DLC1: variants seen among roughly 807,000 people sequenced by gnomAD.
DLC1 encodes the protein DLC1 Rho GTPase activating protein, also known as rho GTPase-activating protein 7.
DLC1 carries 54 observed loss-of-function variants against 140.3 expected under a neutral mutation model. The observed-to-expected ratio is 0.38, with a 90% CI of 0.31 to 0.48. The LOEUF (loss-of-function observed/expected upper bound fraction) is 0.48, where lower values mean the gene tolerates loss of function less well. Ranked by LOEUF, DLC1 falls within the 20% of genes least tolerant of loss-of-function variation. DLC1 has a pLI of 0.96. For missense variants in DLC1, 2,536 were observed against 1,907.0 expected, an observed-to-expected ratio of 1.33 and a Z score of -6.14; for synonymous variants, 986 against 728.1, an observed-to-expected ratio of 1.35 and a Z score of -5.70.
At position 13,110,285 on chromosome 8, in the gene DLC1, A is replaced by T. The variant is rs948225708; in HGVS notation, c.1502+457T>A. ...TATATGTTAAAGACCATGCTGAGTT[A>T]TTTTATAGCCTTATTTCGTCCTATC... On this transcript the variant is annotated intron_variant, in intron 7 of 17. Coordinates refer to ENST00000276297, the MANE Select transcript of DLC1 (RefSeq NM_182643.3). Among the ~76,000 whole-genome samples the T allele has an allele frequency of 1.1e-3, 172 of 152,158 alleles. 1 individual carries two copies. Among genetic ancestry groups the T allele is most frequent in the Non-Finnish European group, 2.2e-4 (15 of 68,036 alleles).
At chr8:13,191,594 C>A (rs914872324) in intron 5 of DLC1, among the ~76,000 whole-genome samples, 1 of 152,106 alleles carries the variant, frequency 6.6e-6, no homozygotes, top group African/African-American at 2.4e-5. Flanking sequence ...TAAGATGCCC[C>A]GAGAATTTGA....
At chr8:13,430,271 C>T (rs547548406) in intron 2 of DLC1, among the ~76,000 whole-genome samples, 1 of 152,274 alleles carries the variant, frequency 6.6e-6, no homozygotes, top group South Asian at 2.1e-4. Flanking sequence ...ATCTGAATTT[C>T]ACATGTGATT....
At chr8:13,337,346 A>G (rs1833849019) in intron 4 of DLC1, among the ~76,000 whole-genome samples, 1 of 152,214 alleles carries the variant, frequency 6.6e-6, no homozygotes, top group Non-Finnish European at 1.5e-5. Flanking sequence ...CCGATTTCAG[A>G]ATAATGGATT....
chr8:13,112,817 G>A (rs780333447), intron 6 of DLC1, among the ~76,000 whole-genome samples: 4 of 152,082 alleles, frequency 2.6e-5, no homozygotes, highest in South Asian at 4.1e-4. Flanking sequence ...AAAGTCCTGG[G>A]ATTACAGGCA....
At chr8:13,335,932 T>A in intron 4 of DLC1, among the ~76,000 whole-genome samples, 1 of 152,188 alleles carries the variant, frequency 6.6e-6, no homozygotes, top group East Asian at 1.9e-4. Flanking sequence ...AAGTTTTCTT[T>A]CATAAAAATT....
Position 13,499,053 on chromosome 8 carries a change from C to G in DLC1, c.1019G>C (p.Arg340Thr), listed in dbSNP as rs757382259. Residue 340 changes from arginine to threonine, a missense_variant, in exon 2 of 18, where the codon AGA (arginine) becomes ACA (threonine). Arg to Thr is a moderately conservative substitution (Grantham distance 71, BLOSUM62 -1). Transcript: ENST00000276297. ...GAATCTGTGCATATGTCTTACCTTT[C>G]TCTTACGAAGTCTGACTTGGTTATC... Reference protein sequence around the residue: ...PTDNQVRLRKRKEIREDRDRA... With the variant: ...PTDNQVRLRKTKEIREDRDRA... 1.9e-6 allele frequency: 3 copies of G among 1,607,602 alleles called. No homozygotes were observed. The highest frequency in any genetic ancestry group is 2.2e-5 in the South Asian group (2 of 90,354).
At chr8:13,453,388 ATATATATATATATGTG>A (rs1270953217) in intron 2 of DLC1, among the ~76,000 whole-genome samples, 3 of 49,428 alleles carry the variant, frequency 6.1e-5, no homozygotes, top group Non-Finnish European at 6.5e-5. Context: ...ATGGCCCAGG[ATATATATATATATGTG>A]TATATATATA....
At chr8:13,396,940 G>A (rs777985809) in intron 3 of DLC1, among the ~76,000 whole-genome samples, 14 of 134,632 alleles carry the variant, frequency 1.0e-4, no homozygotes, top group Non-Finnish European at 1.7e-4. Context: ...CCTGTTACCC[G>A]CCCCCCCCAA....
chr8:13,310,384 C>G (rs762324975), intron 4 of DLC1, among the ~76,000 whole-genome samples: 3 of 152,138 alleles, frequency 2.0e-5, no homozygotes, highest in Non-Finnish European at 4.4e-5. Flanking sequence ...AAAACATTCA[C>G]TTTTCTTCCC....
At chr8:13,257,614 G>T (rs901334159) in intron 5 of DLC1, among the ~76,000 whole-genome samples, 3 of 151,724 alleles carry the variant, frequency 2.0e-5, no homozygotes, top group African/African-American at 7.3e-5. Flanking sequence ...AATGTTTGCT[G>T]TATTCAACAT....
intron 2 of DLC1, among the ~76,000 whole-genome samples, chr8:13,481,465 A>G (rs1800733293): frequency 6.6e-6 from 1 of 152,206 alleles, no homozygotes; most frequent in South Asian, 2.1e-4. Flanking sequence ...AAACAGAAGA[A>G]TAAGCATTTT....
Position 13,482,842 on chromosome 8 carries a change from T to C in DLC1, c.1023+16207A>G, listed in dbSNP as rs79541323. On this transcript the variant is annotated intron_variant, in intron 2 of 17. Transcript: ENST00000276297. ...TGCATGCTGTACACTGGGCATATGC[T>C]AGCTGCTAAGGAGAGAATGGTGACT... Among the ~76,000 whole-genome samples the C allele has an allele frequency of 3.4e-3, 515 of 152,304 alleles. 3 individuals carry two copies. The highest frequency in any genetic ancestry group is 0.012 in the African/African-American group (502 of 41,570).
chr8:13,425,658 TGTGTCATAGCAAAAAAAAAATCACA>T (rs1386876829), intron 2 of DLC1, among the ~76,000 whole-genome samples: 1 of 36,746 alleles, frequency 2.7e-5, no homozygotes, highest in Non-Finnish European at 6.0e-5. Flanking sequence ...ATTATTATAC[TGTGTCATAGCAAAAAAAAAATCACA>T]TTATCATGGT....
chr8:13,221,726 G>GTGTA (rs952162614), intron 5 of DLC1, among the ~76,000 whole-genome samples: 7 of 132,438 alleles, frequency 5.3e-5, no homozygotes, highest in African/African-American at 8.7e-5. Context: ...GTGTGTGTGT[G>GTGTA]TATATATATA....
At chr8:13,322,245 C>G (rs982756936) in intron 4 of DLC1, among the ~76,000 whole-genome samples, 4 of 152,032 alleles carry the variant, frequency 2.6e-5, no homozygotes, top group Non-Finnish European at 5.9e-5. Flanking sequence ...TGTTGAATAC[C>G]TTTGATCATT....
chr8:13,475,801 C>G (rs1169431924), intron 2 of DLC1, among the ~76,000 whole-genome samples: 1 of 152,164 alleles, frequency 6.6e-6, no homozygotes, highest in Non-Finnish European at 1.5e-5. Flanking sequence ...GGGTCAAGAA[C>G]TGAACTTGTG....
At chr8:13,135,096 A>G (rs1239809733) in intron 5 of DLC1, among the ~76,000 whole-genome samples, 1 of 152,128 alleles carries the variant, frequency 6.6e-6, no homozygotes, top group African/African-American at 2.4e-5. Context: ...GTCACCAGCA[A>G]GGGGGAGTGT....
At chr8:13,585,627 AG>A (rs1356269122) in intron 1 of DLC1, among the ~76,000 whole-genome samples, 1 of 152,168 alleles carries the variant, frequency 6.6e-6, no homozygotes, top group Non-Finnish European at 1.5e-5. Flanking sequence ...AGGTATCACC[AG>A]GGTTTGTTCC....
At chr8:13,567,968 T>C (rs920913836) in intron 1 of DLC1, 1 of 1,513,832 alleles carries the variant, frequency 6.6e-7, no homozygotes, top group African/African-American at 1.4e-5. Flanking sequence ...TAGATGTCTT[T>C]GTTGTGTATT....
Sources: gnomAD v4.1 joint callset for allele counts (sites outside exome capture counted in the v4.1 genomes callset) on GRCh38, gnomAD v4.1.1 for gene constraint, MANE v1.5 for transcripts, NCBI Gene and HGNC (gene_info 2026-07-23, HGNC 2026-07-21) for gene names.